Variants in SLC44A5 observed in about 807,000 individuals in gnomAD.
The protein encoded by SLC44A5 is solute carrier family 44 member 5.
A neutral mutation model predicts 101.8 loss-of-function variants in SLC44A5; 57 were observed. The observed-to-expected ratio is 0.56, with a 90% CI of 0.45 to 0.70. SLC44A5 has a LOEUF of 0.70. SLC44A5 is among the 30% of genes least tolerant of loss of function. SLC44A5 has a pLI of 0.00. For synonymous variants in SLC44A5, 281 were observed against 290.9 expected (o/e 0.97, Z 0.35); for missense variants, 737 against 853.1 (o/e 0.86, Z 1.70).
chr1:75,631,759 A>G, the SLC44A5 span, among the ~76,000 whole-genome samples: 1 of 150,050 alleles, frequency 6.7e-6, no homozygotes, highest in Non-Finnish European at 1.5e-5. Flanking sequence ...CCAGTCTTGA[A>G]CTCCTGACCT....
At chr1:75,534,022 G>A (rs1670864743) in intron 2 of SLC44A5, among the ~76,000 whole-genome samples, 1 of 152,132 alleles carries the variant, frequency 6.6e-6, no homozygotes, top group African/African-American at 2.4e-5. Context: ...GAAAATAAGT[G>A]GCTCTTTTGC....
At position 75,218,769 on chromosome 1, in the gene SLC44A5, G is replaced by C; in HGVS notation, c.1267-17C>G. 2 of 1,601,520 alleles carry C rather than the reference G, an allele frequency of 1.2e-6. No individual in the cohort carries two copies. Among genetic ancestry groups the C allele is most frequent in the Non-Finnish European group, 1.7e-6 (2 of 1,174,402 alleles). On this transcript the variant is annotated splice_polypyrimidine_tract_variant and intron_variant, in intron 16 of 23. Coordinates refer to ENST00000370859, the MANE Select transcript of SLC44A5 (RefSeq NM_001130058.2). Reference sequence around the variant, plus strand: ...ATTAAAAATCTGCATTGAGAAAAAGGAACACAAGGACATAATATTAAATAT... The same window carrying C: ...ATTAAAAATCTGCATTGAGAAAAAGCAACACAAGGACATAATATTAAATAT...
chr1:75,588,081 G>A (rs576323255), intron 1 of SLC44A5, among the ~76,000 whole-genome samples: 10 of 152,238 alleles, frequency 6.6e-5, no homozygotes, highest in Admixed American at 6.5e-4. Flanking sequence ...GGCTGTCCTG[G>A]AGGTAAGCTG....
intron 2 of SLC44A5, among the ~76,000 whole-genome samples, chr1:75,437,582 T>C (rs1301880938): frequency 2.0e-5 from 3 of 152,106 alleles, no homozygotes; most frequent in Admixed American, 1.3e-4. Flanking sequence ...TTTGTGGGAA[T>C]TGTAGAATTT....
intron 2 of SLC44A5, chr1:75,538,026 A>T (rs924381059): frequency 2.6e-5 from 4 of 152,206 alleles, no homozygotes; most frequent in African/African-American, 9.7e-5. Context: ...AAAATATAGC[A>T]GGTTTACAAA....
chr1:75,706,042 T>C, the SLC44A5 span, among the ~76,000 whole-genome samples: 1 of 152,218 alleles, frequency 6.6e-6, no homozygotes, highest in Non-Finnish European at 1.5e-5. Context: ...CGGGATCTTT[T>C]GTTCCTTCCT....
At chr1:75,389,384 C>A (rs1354303881) in intron 3 of SLC44A5, among the ~76,000 whole-genome samples, 1 of 152,144 alleles carries the variant, frequency 6.6e-6, no homozygotes, top group Admixed American at 6.5e-5. Context: ...TTCTCATGTG[C>A]ATATGGAATA....
intron 6 of SLC44A5, among the ~76,000 whole-genome samples, chr1:75,259,754 G>GA (rs1326134514): frequency 2.0e-5 from 3 of 152,168 alleles, no homozygotes; most frequent in African/African-American, 7.2e-5. Flanking sequence ...TGAAATAAAG[G>GA]AAAAAATATT....
the SLC44A5 span, among the ~76,000 whole-genome samples, chr1:75,640,772 T>C: frequency 3.9e-5 from 6 of 152,132 alleles, no homozygotes; most frequent in Non-Finnish European, 7.4e-5. Flanking sequence ...TTTGCTTGGT[T>C]TGTATTACAA....
the SLC44A5 span, among the ~76,000 whole-genome samples, chr1:75,699,812 T>C: frequency 0.019 from 2,892 of 152,060 alleles, 97 homozygotes; most frequent in African/African-American, 0.066. Flanking sequence ...TGGAGGAAGA[T>C]CTACCAAGCA....
At chr1:75,527,407 C>CACACCCAG (rs1452789758) in intron 2 of SLC44A5, among the ~76,000 whole-genome samples, 4 of 136,770 alleles carry the variant, frequency 2.9e-5, no homozygotes, top group Non-Finnish European at 6.6e-5. Flanking sequence ...TCAGATGTGT[C>CACACCCAG]ACACCCAGAC....
At chr1:75,403,644 T>G (rs1049582718) in intron 2 of SLC44A5, among the ~76,000 whole-genome samples, 1 of 152,038 alleles carries the variant, frequency 6.6e-6, no homozygotes, top group Non-Finnish European at 1.5e-5. Context: ...CAGAAAAGAA[T>G]AGCATTAACA....
the SLC44A5 span, among the ~76,000 whole-genome samples, chr1:75,668,963 G>A: frequency 6.6e-6 from 1 of 151,334 alleles, no homozygotes; most frequent in Non-Finnish European, 1.5e-5. Context: ...CCAAGATCAC[G>A]CCACCGAACT....
At chr1:75,476,514 A>G (rs544196123) in intron 2 of SLC44A5, among the ~76,000 whole-genome samples, 2 of 152,306 alleles carry the variant, frequency 1.3e-5, no homozygotes, top group East Asian at 1.9e-4. Flanking sequence ...AAGGGGTGAC[A>G]GACGGCACCT....
chr1:75,416,572 G>A (rs1663661702), intron 2 of SLC44A5, among the ~76,000 whole-genome samples: 1 of 152,162 alleles, frequency 6.6e-6, no homozygotes, highest in South Asian at 2.1e-4. Flanking sequence ...CCATCCTCCA[G>A]ACCCCAGAAT....
At chr1:75,213,087 T>G (rs1199494454) in intron 22 of SLC44A5, among the ~76,000 whole-genome samples, 10 of 152,148 alleles carry the variant, frequency 6.6e-5, no homozygotes, top group Admixed American at 5.9e-4. Context: ...AGGCCTCAGC[T>G]GTAACTTCGG....
chr1:75,300,388 T>C (rs1256922950), intron 5 of SLC44A5, among the ~76,000 whole-genome samples: 1 of 152,178 alleles, frequency 6.6e-6, no homozygotes, highest in Non-Finnish European at 1.5e-5. Context: ...TTTATAATTG[T>C]ATTTACTTAA....
At chr1:75,506,666 C>T (rs1312389353) in intron 2 of SLC44A5, among the ~76,000 whole-genome samples, 2 of 151,870 alleles carry the variant, frequency 1.3e-5, no homozygotes, top group Non-Finnish European at 2.9e-5. Context: ...TGTAGAAATC[C>T]TACAGATTTT....
At chr1:75,290,315 A>C (rs1653433831) in intron 5 of SLC44A5, among the ~76,000 whole-genome samples, 3 of 152,228 alleles carry the variant, frequency 2.0e-5, no homozygotes, top group Admixed American at 2.0e-4. Flanking sequence ...GGATCCTAGC[A>C]GAAGACAGAT....
Sources: allele counts gnomAD v4.1 joint callset (sites outside exome capture counted in the v4.1 genomes callset), GRCh38; gene constraint gnomAD v4.1.1; transcripts MANE v1.5; gene names NCBI Gene and HGNC (gene_info 2026-07-23, HGNC 2026-07-21).